Variants in ACSL1 observed in about 807,000 individuals in gnomAD.
The protein encoded by ACSL1 is long-chain-fatty-acid--CoA ligase 1.
A neutral mutation model predicts 98.4 loss-of-function variants in ACSL1; 41 were observed. The observed-to-expected ratio is 0.42, with a 90% CI of 0.32 to 0.54. The LOEUF (loss-of-function observed/expected upper bound fraction) is 0.54, where lower values mean the gene tolerates loss of function less well. Ranked by LOEUF, ACSL1 falls within the 20% of genes least tolerant of loss-of-function variation. The pLI is 0.13. For synonymous variants in ACSL1, 316 were observed against 322.7 expected (o/e 0.98, Z 0.22); for missense variants, 734 against 883.1 (o/e 0.83, Z 2.14).
Position 184,814,566 on chromosome 4 carries a change from T to C in ACSL1, c.-32-11020A>G, listed in dbSNP as rs939034065. Among the ~76,000 whole-genome samples the C allele has an allele frequency of 1.3e-5, 2 of 152,180 alleles. 1 individual carries two copies. The highest frequency in any genetic ancestry group is 1.3e-4 in the Admixed American group (2 of 15,264). The stretch of plus-strand genomic sequence containing the variant: ...TACTACTATGTTGTTGTTCTTTGTA[T>C]GTTGCTGTATTTTTCCCAATTTTTT... On this transcript the variant is annotated intron_variant, in intron 1 of 20. Coordinates refer to ENST00000281455, the MANE Select transcript of ACSL1 (RefSeq NM_001995.5).
Position 184,803,588 on chromosome 4 carries a change from G to T in ACSL1, c.-32-42C>A. The T allele has an allele frequency of 2.2e-6, 3 of 1,345,552 alleles. No homozygotes were observed. The highest frequency in any genetic ancestry group is 2.9e-6 in the Non-Finnish European group (3 of 1,031,868). The allele number at this position is 1,345,552 out of a possible 1,614,324, so 83.4% of individuals were successfully genotyped here. A position where few individuals can be genotyped will look rare whatever the true frequency, so the allele number is the denominator to read the frequency against. ...ATGTCACGTTCGTTCCAGGGAAGCA[G>T]GACCCCTCTCCAGAACTCCAAAATT... On this transcript the variant is annotated intron_variant, in intron 1 of 20. Coordinates refer to ENST00000281455, the MANE Select transcript of ACSL1 (RefSeq NM_001995.5). The surrounding 1 kb of genome is among the most constrained non-coding windows in gnomAD (Gnocchi z 4.8).
chr4:184,769,198 A>T (rs1417707389), intron 11 of ACSL1, among the ~76,000 whole-genome samples: 2 of 152,020 alleles, frequency 1.3e-5, no homozygotes, highest in Admixed American at 1.3e-4. Context: ...GTTTGAATCT[A>T]ACTAGAAGTT....
intron 1 of ACSL1, among the ~76,000 whole-genome samples, chr4:184,807,837 C>G (rs1033414227): frequency 6.6e-6 from 1 of 152,154 alleles, no homozygotes; most frequent in Non-Finnish European, 1.5e-5. Context: ...TAGTCAAGAA[C>G]GGGACACCAA....
intron 1 of ACSL1, among the ~76,000 whole-genome samples, chr4:184,806,184 G>A (rs901346107): frequency 1.3e-5 from 2 of 152,164 alleles, no homozygotes; most frequent in Non-Finnish European, 2.9e-5. Context: ...AAACAAGCAA[G>A]GTCTGCAAGG....
chr4:184,780,439 A>G lies in ACSL1; in HGVS notation c.376-6T>C. 6.2e-7 allele frequency: 1 copy of G among 1,609,352 alleles called. No homozygotes were observed. ...CACTCCGACAATTCTGCAACCTAAA[A>G]TGGAGAGGAAAAAGTCAGAAGCAGC... On this transcript the variant is annotated splice_polypyrimidine_tract_variant and splice_region_variant and intron_variant, in intron 4 of 20. Coordinates refer to ENST00000281455, the MANE Select transcript of ACSL1 (RefSeq NM_001995.5).
Position 184,757,072 on chromosome 4 carries a change from CAGG to C in ACSL1, c.*50_*52del, listed in dbSNP as rs753473834. The C allele has an allele frequency of 6.6e-5, 99 of 1,506,438 alleles. No homozygotes were observed. Among genetic ancestry groups the C allele is most frequent in the Non-Finnish European group, 8.2e-5 (91 of 1,114,516 alleles). The allele number at this position is 1,506,438 out of a possible 1,614,324, so 93.3% of individuals were successfully genotyped here. A position where few individuals can be genotyped will look rare whatever the true frequency, so the allele number is the denominator to read the frequency against. ...AAATTAACAACATGAAGGCCATCAGCAGGAGAAGAGATTGTGGAACTGTGCCAT... is the reference window on the plus strand; with the variant it reads ...AAATTAACAACATGAAGGCCATCAGCAGAAGAGATTGTGGAACTGTGCCAT... On this transcript the variant is annotated 3_prime_UTR_variant, in exon 21 of 21. Transcript: ENST00000281455. The surrounding 1 kb of genome is among the most constrained non-coding windows in gnomAD (Gnocchi z 4.5).
chr4:184,809,514 C>T (rs748810519), intron 1 of ACSL1, among the ~76,000 whole-genome samples: 11 of 151,942 alleles, frequency 7.2e-5, no homozygotes, highest in Non-Finnish European at 1.0e-4. Flanking sequence ...TTCATTAGGC[C>T]GGGCGCGGTG....
chr4:184,758,647 A>T (rs1356421941), intron 18 of ACSL1: 2 of 152,242 alleles, frequency 1.3e-5, no homozygotes, highest in Non-Finnish European at 2.9e-5. Context: ...TAAAATTAAA[A>T]ATCAAAAGAA....
At chr4:184,765,101 A>T (rs756648605) in intron 14 of ACSL1, among the ~76,000 whole-genome samples, 176 bp from the exon 15 acceptor site, 8 of 152,240 alleles carry the variant, frequency 5.3e-5, no homozygotes, top group Non-Finnish European at 1.0e-4. Context: ...CGCCAACACC[A>T]GCCGTCACCC....
intron 5 of ACSL1, among the ~76,000 whole-genome samples, 180 bp from the exon 6 acceptor site, chr4:184,777,163 C>T (rs928892933): frequency 6.6e-6 from 1 of 152,210 alleles, no homozygotes; most frequent in Non-Finnish European, 1.5e-5. Context: ...AAAACACATG[C>T]CCCCTTCTTA....
chr4:184,786,418 GCACACACACACA>G lies in ACSL1; in HGVS notation c.310+2187_310+2198del, dbSNP rs61564967. ...ATATGTGCTCTGTGGTGGTGGCAAA[GCACACACACACA>G]CACACACACACACACACACACACAC... On this transcript the variant is annotated intron_variant, in intron 3 of 20. Coordinates refer to ENST00000281455, the MANE Select transcript of ACSL1 (RefSeq NM_001995.5). Among the ~76,000 whole-genome samples the G allele has an allele frequency of 6.9e-3, 964 of 138,922 alleles. 20 individuals are homozygous for G. Among genetic ancestry groups the G allele is most frequent in the South Asian group, 0.047 (209 of 4,464 alleles). 91.1% of individuals were successfully genotyped at this position (138,922 alleles called of 152,430 possible).
At chr4:184,811,316 G>C (rs1352238011) in intron 1 of ACSL1, among the ~76,000 whole-genome samples, 1 of 151,942 alleles carries the variant, frequency 6.6e-6, no homozygotes, top group Non-Finnish European at 1.5e-5. Context: ...GTTTCACCGT[G>C]TTGGCCAGGA....
Position 184,825,332 on chromosome 4 carries a change from CA to C in ACSL1, c.-33+583del. The C allele has an allele frequency of 2.5e-6, 2 of 787,648 alleles. No homozygotes were observed. The highest frequency in any genetic ancestry group is 3.1e-6 in the Non-Finnish European group (2 of 649,350). The allele number at this position is 787,648 out of a possible 1,614,324, so 48.8% of individuals were successfully genotyped here. On this transcript the variant is annotated intron_variant, in intron 1 of 20. Transcript: ENST00000281455. This position sits in a 1 kb window ranked among gnomAD's most constrained non-coding sequence, Gnocchi z 4.7. ...TGACTCCACGGCCAAGTGCAAGGGC[CA>C]CGGGCACTCCTCTGGAGTCACCGAG...
At chr4:184,802,999 G>A (rs1358852733) in intron 2 of ACSL1, among the ~76,000 whole-genome samples, 1 of 152,094 alleles carries the variant, frequency 6.6e-6, no homozygotes, top group African/African-American at 2.4e-5. Context: ...TGAGAACAGG[G>A]GTTCTGTGCT....
Position 184,784,001 on chromosome 4 carries a change from G to A in ACSL1, c.311-10C>T. On this transcript the variant is annotated splice_polypyrimidine_tract_variant and intron_variant, in intron 3 of 20. Coordinates refer to ENST00000281455, the MANE Select transcript of ACSL1 (RefSeq NM_001995.5). ...AAACAAGGGCCATTATCTAAAAAAAGAGAAAAAACAACAGATGGGCTGAAC... is the reference window on the plus strand; with the variant it reads ...AAACAAGGGCCATTATCTAAAAAAAAAGAAAAAACAACAGATGGGCTGAAC... The A allele has an allele frequency of 1.9e-6, 3 of 1,609,510 alleles. No homozygotes were observed. Among genetic ancestry groups the A allele is most frequent in the African/African-American group, 1.3e-5 (1 of 74,744 alleles).
intron 4 of ACSL1, among the ~76,000 whole-genome samples, chr4:184,781,528 C>T (rs1340218194): frequency 6.6e-6 from 1 of 152,092 alleles, no homozygotes; most frequent in Non-Finnish European, 1.5e-5. Context: ...TCTCCCTGTT[C>T]CTACCCCAAA....
intron 2 of ACSL1, among the ~76,000 whole-genome samples, chr4:184,793,702 G>C (rs1383040714): frequency 1.3e-5 from 2 of 152,152 alleles, no homozygotes; most frequent in African/African-American, 4.8e-5. Context: ...AAGGGGGAGA[G>C]GCAGAGCCAA....
chr4:184,789,849 A>G (rs962070322), intron 2 of ACSL1, among the ~76,000 whole-genome samples: 3 of 151,978 alleles, frequency 2.0e-5, no homozygotes, highest in Non-Finnish European at 2.9e-5. Flanking sequence ...AGACTGATAA[A>G]TAAAAGCTCA....
intron 3 of ACSL1, among the ~76,000 whole-genome samples, chr4:184,785,062 G>C (rs1300373049): frequency 1.3e-5 from 2 of 152,222 alleles, no homozygotes; most frequent in African/African-American, 4.8e-5. Flanking sequence ...AGGCCCACTG[G>C]CTGTTTTTGT....
Sources: gnomAD v4.1 joint callset for allele counts (sites outside exome capture counted in the v4.1 genomes callset) on GRCh38, gnomAD v4.1.1 for gene constraint, Gnocchi (gnomAD v3.1) non-coding constraint, MANE v1.5 for transcripts, NCBI Gene and HGNC (gene_info 2026-07-23, HGNC 2026-07-21) for gene names.